Variants in TMEM117 observed in about 807,000 individuals in gnomAD.
TMEM117 encodes transmembrane protein 117.
In TMEM117, 27 loss-of-function variants were observed where a neutral mutation model predicts 52.4. That is an observed-to-expected ratio of 0.51 (90% confidence interval 0.38 to 0.71). The LOEUF (loss-of-function observed/expected upper bound fraction) is 0.71, where lower values mean the gene tolerates loss of function less well. Among genes scored for constraint, TMEM117 ranks in the 30% least tolerant of loss-of-function variants. The pLI, the probability that TMEM117 is intolerant of heterozygous loss-of-function variation, is 0.00. For missense variants in TMEM117, 556 were observed against 630.5 expected (o/e 0.88, Z 1.26); for synonymous variants, 215 against 206.3 (o/e 1.04, Z -0.36).
At chr12:44,122,255 A>C (rs926066487) in intron 3 of TMEM117, among the ~76,000 whole-genome samples, 1 of 152,050 alleles carries the variant, frequency 6.6e-6, no homozygotes, top group South Asian at 2.1e-4. Context: ...TGTGTTAGCC[A>C]GGATGGTCTC....
chr12:44,293,409 G>T (rs929640093), intron 5 of TMEM117, among the ~76,000 whole-genome samples: 1 of 152,052 alleles, frequency 6.6e-6, no homozygotes, highest in African/African-American at 2.4e-5. Flanking sequence ...ATTGAAGAAT[G>T]TAATCCGTTT....
intron 2 of TMEM117, among the ~76,000 whole-genome samples, chr12:43,845,579 C>T (rs551948834): frequency 6.7e-6 from 1 of 149,652 alleles, no homozygotes; most frequent in Non-Finnish European, 1.5e-5. Context: ...TTCTAGGGTA[C>T]AGGTGCACAA....
intron 3 of TMEM117, among the ~76,000 whole-genome samples, chr12:44,103,011 T>C (rs1320945635): frequency 1.3e-5 from 2 of 152,004 alleles, no homozygotes; most frequent in Non-Finnish European, 2.9e-5. Context: ...TCCTGAGGCC[T>C]CCCCAGCCAT....
At chr12:43,922,187 T>C (rs573803924) in intron 2 of TMEM117, among the ~76,000 whole-genome samples, 23 of 152,266 alleles carry the variant, frequency 1.5e-4, no homozygotes, top group African/African-American at 5.5e-4. Context: ...TCTGCTTCTC[T>C]CTGTCTCTGT....
At chr12:43,980,111 C>T (rs1053116608) in intron 3 of TMEM117, among the ~76,000 whole-genome samples, 10 of 152,134 alleles carry the variant, frequency 6.6e-5, no homozygotes, top group Admixed American at 4.6e-4. Flanking sequence ...TAGTGTATCC[C>T]TTGTCTTTTT....
rs61397786 is a variant in TMEM117 at position 43,976,197 on chromosome 12, C to T, written c.410+31855C>T. On this transcript the variant is annotated intron_variant, in intron 3 of 7. Coordinates refer to ENST00000266534, the MANE Select transcript of TMEM117 (RefSeq NM_032256.3). ...AATGGGAATCACCAGTGTGACATGA[C>T]TGTTAAAGGAGCTAATGAGTCATAG... 5.4e-3 allele frequency among the ~76,000 whole-genome samples: 827 copies of T among 152,198 alleles called. 10 individuals carry two copies. Among genetic ancestry groups the T allele is most frequent in the African/African-American group, 0.019 (774 of 41,532 alleles).
chr12:43,809,582 T>G, the TMEM117 span, among the ~76,000 whole-genome samples: 3 of 152,292 alleles, frequency 2.0e-5, no homozygotes, highest in South Asian at 2.1e-4. Flanking sequence ...AAAAGGTCAT[T>G]TAAAACAGAG....
intron 2 of TMEM117, among the ~76,000 whole-genome samples, chr12:43,862,154 G>A (rs1160105155): frequency 6.6e-6 from 1 of 152,144 alleles, no homozygotes; most frequent in African/African-American, 2.4e-5. Flanking sequence ...TGGACATATA[G>A]TATGAGAAGG....
At chr12:44,169,404 C>T (rs1219598696) in intron 4 of TMEM117, among the ~76,000 whole-genome samples, 1 of 151,964 alleles carries the variant, frequency 6.6e-6, no homozygotes, top group Non-Finnish European at 1.5e-5. Flanking sequence ...GGTGTGAAGT[C>T]GTGTCTCTTC....
chr12:43,863,260 CAACAAACAAACA>C (rs552729456), intron 2 of TMEM117, among the ~76,000 whole-genome samples: 1 of 88,974 alleles, frequency 1.1e-5, no homozygotes, highest in African/African-American at 3.2e-5. Flanking sequence ...ACAGCAACAA[CAACAAACAAACA>C]AACAAACAAA....
At chr12:44,094,956 C>T (rs1359199797) in intron 3 of TMEM117, among the ~76,000 whole-genome samples, 1 of 152,106 alleles carries the variant, frequency 6.6e-6, no homozygotes, top group African/African-American at 2.4e-5. Context: ...TATGTACCGT[C>T]ATATTTTTAC....
chr12:44,117,778 G>A (rs146631787), intron 3 of TMEM117, among the ~76,000 whole-genome samples: 25 of 151,882 alleles, frequency 1.6e-4, no homozygotes, highest in African/African-American at 6.0e-4. Context: ...TGTTTGTTTT[G>A]CCATGATATA....
chr12:43,888,543 C>CTTTTTTTTTT (rs147186370), intron 2 of TMEM117, among the ~76,000 whole-genome samples: 2 of 92,206 alleles, frequency 2.2e-5, no homozygotes, highest in African/African-American at 3.8e-5. Context: ...CATTAGTTTT[C>CTTTTTTTTTT]TTTTTTTTTT....
chr12:44,136,245 A>T (rs1347308856), intron 3 of TMEM117, among the ~76,000 whole-genome samples: 1 of 152,116 alleles, frequency 6.6e-6, no homozygotes, highest in Non-Finnish European at 1.5e-5. Context: ...GGTTATCTGT[A>T]TCATTTTTCT....
chr12:44,021,934 T>C (rs1343636378), intron 3 of TMEM117, among the ~76,000 whole-genome samples: 1 of 152,220 alleles, frequency 6.6e-6, no homozygotes, highest in Non-Finnish European at 1.5e-5. Flanking sequence ...TTGCCTTTTC[T>C]GTGGTCAACC....
intron 5 of TMEM117, among the ~76,000 whole-genome samples, chr12:44,215,789 A>T (rs1322496619): frequency 6.6e-6 from 1 of 151,624 alleles, no homozygotes; most frequent in Admixed American, 6.6e-5. Context: ...GGAAGAAGGG[A>T]TTGGGAGATC....
At chr12:44,214,965 C>G (rs1234614349) in intron 5 of TMEM117, among the ~76,000 whole-genome samples, 4 of 151,858 alleles carry the variant, frequency 2.6e-5, no homozygotes, top group African/African-American at 9.7e-5. Context: ...TCTTTTAGCC[C>G]TAGGAGATAA....
intron 3 of TMEM117, among the ~76,000 whole-genome samples, chr12:44,090,837 G>GTTTT (rs1565823272): frequency 8.9e-6 from 1 of 112,434 alleles, no homozygotes; most frequent in African/African-American, 5.3e-5. Context: ...CTGTATTTAT[G>GTTTT]TGTTTTTTTT....
intron 6 of TMEM117, among the ~76,000 whole-genome samples, chr12:44,361,644 A>G (rs993613770): frequency 6.6e-6 from 1 of 152,188 alleles, no homozygotes; most frequent in African/African-American, 2.4e-5. Context: ...ACTGAGAGAG[A>G]CATAAAGAAG....
Sources: allele counts gnomAD v4.1 joint callset (sites outside exome capture counted in the v4.1 genomes callset), GRCh38; gene constraint gnomAD v4.1.1; transcripts MANE v1.5; gene names NCBI Gene and HGNC (gene_info 2026-07-23, HGNC 2026-07-21).